MTHFSD: variants seen among roughly 807,000 people sequenced by gnomAD.
The protein encoded by MTHFSD is methenyltetrahydrofolate synthetase domain containing, also known as methenyltetrahydrofolate synthase domain-containing protein.
In MTHFSD, 37 loss-of-function variants were observed where a neutral mutation model predicts 31.1. That is an observed-to-expected ratio of 1.19 (90% confidence interval 0.91 to 1.56). The LOEUF is 1.56. Among genes scored for constraint, MTHFSD ranks in the 40% most tolerant of loss-of-function variants. The probability of loss-of-function intolerance (pLI) is 0.00; values close to 1 mark genes in which losing one functional copy is unlikely to be tolerated. For missense variants in MTHFSD, 664 were observed against 510.1 expected, an observed-to-expected ratio of 1.30 and a Z score of -2.91; for synonymous variants, 221 against 206.9, an observed-to-expected ratio of 1.07 and a Z score of -0.59.
Position 86,542,130 on chromosome 16 carries a change from G to A in MTHFSD, c.526C>T (p.Pro176Ser), listed in dbSNP as rs1396455518. The A allele has an allele frequency of 1.2e-6, 2 of 1,613,700 alleles. No individual in the cohort carries two copies. Among genetic ancestry groups the A allele is most frequent in the East Asian group, 2.2e-5 (1 of 44,874 alleles). ...CAGTCGTGGACGATGGTGACCACCG[G>A]CGTCTCCTTGCTGACGGCGCCCATG... ...VSMGAVSKETPVVTIVHDCQV... is the reference protein window; with the variant it reads ...VSMGAVSKETSVVTIVHDCQV... The change falls in exon 6 of 8, where the codon CCG becomes TCG. Residue 176 changes from proline to serine, a missense_variant. Physicochemically the swap from Pro to Ser is moderately conservative, Grantham distance 74. Transcript: ENST00000360900. This position sits in a 1 kb window ranked among gnomAD's most constrained non-coding sequence, Gnocchi z 4.6.
chr16:86,544,109 G>C (rs1971923082), intron 5 of MTHFSD, among the ~76,000 whole-genome samples: 2 of 152,264 alleles, frequency 1.3e-5, no homozygotes, highest in South Asian at 4.1e-4. Context: ...TATGATGTAG[G>C]AATAACAGAA....
intron 7 of MTHFSD, among the ~76,000 whole-genome samples, chr16:86,537,158 T>A (rs1407152031): frequency 1.3e-5 from 2 of 152,238 alleles, no homozygotes; most frequent in African/African-American, 4.8e-5. Context: ...ATAAAATTAG[T>A]ATATGCTTGT....
In MTHFSD at chr16:86,541,964, C is replaced by A; in HGVS notation, c.555+137G>T. On this transcript the variant is annotated intron_variant, in intron 6 of 7. Transcript: ENST00000360900. ...GGGCTAAGGCTTAGCCGCTGTACCA[C>A]TAGCAAGTCCAGCCCTGGCTGATCC... 2 of 1,361,510 alleles carry A rather than the reference C, an allele frequency of 1.5e-6. 1 individual carries two copies. Among genetic ancestry groups the A allele is most frequent in the South Asian group, 2.6e-5 (2 of 75,534 alleles). 84.3% of individuals were successfully genotyped at this position (1,361,510 alleles called of 1,614,324 possible). A position where few individuals can be genotyped will look rare whatever the true frequency, so the allele number is the denominator to read the frequency against.
Position 86,531,921 on chromosome 16 carries a change from G to T in MTHFSD, c.*90C>A. 1.1e-6 allele frequency: 1 copy of T among 897,770 alleles called. No individual in the cohort carries two copies. The highest frequency in any genetic ancestry group is 1.6e-6 in the Non-Finnish European group (1 of 642,738). The allele number at this position is 897,770 out of a possible 1,614,324, so 55.6% of individuals were successfully genotyped here. A position where few individuals can be genotyped will look rare whatever the true frequency, so the allele number is the denominator to read the frequency against. ...TCAGGCGGTGGCTCCGACACGTCTT[G>T]CCACGCAGGCCTCTCGAGTGCCATC... On this transcript the variant is annotated 3_prime_UTR_variant, in exon 8 of 8. Transcript: ENST00000360900. This position sits in a 1 kb window ranked among gnomAD's most constrained non-coding sequence, Gnocchi z 5.5.
At position 86,542,897 on chromosome 16, in the gene MTHFSD, G is replaced by A. The variant is rs1236528262; in HGVS notation, c.443-684C>T. 6.6e-6 allele frequency among the ~76,000 whole-genome samples: 1 copy of A among 152,178 alleles called. No individual in the cohort carries two copies. Among genetic ancestry groups the A allele is most frequent in the Non-Finnish European group, 1.5e-5 (1 of 68,034 alleles). Reference sequence around the variant, plus strand: ...CATCAAATGCCTTCTGGCCCCCATGGAGAAGCTACAATTCCGCTTATGAGA... The same window carrying A: ...CATCAAATGCCTTCTGGCCCCCATGAAGAAGCTACAATTCCGCTTATGAGA... On this transcript the variant is annotated intron_variant, in intron 5 of 7. Coordinates refer to ENST00000360900, the MANE Select transcript of MTHFSD (RefSeq NM_001159377.2). This position sits in a 1 kb window ranked among gnomAD's most constrained non-coding sequence, Gnocchi z 4.6.
chr16:86,548,493 CT>C lies in MTHFSD; in HGVS notation c.321del (p.Asp108ThrfsTer3), dbSNP rs1972657136. ...GAGGTGGCACATTTTCTCAAGATGTCTTTAGTTGCCCCAGGGGGTGGTGTGA... is the reference window on the plus strand; with the variant it reads ...GAGGTGGCACATTTTCTCAAGATGTCTTAGTTGCCCCAGGGGGTGGTGTGA... ...NKITPPPGATKDILRKCATSQ... is the reference protein window; with the variant it reads ...NKITPPPGATXDILRKCATSQ... On this transcript the variant is annotated frameshift_variant, in exon 4 of 8. Transcript: ENST00000360900. LOFTEE classifies it high-confidence loss of function. The C allele has an allele frequency of 1.2e-6, 2 of 1,613,782 alleles. No homozygotes were observed. Among genetic ancestry groups the C allele is most frequent in the Non-Finnish European group, 1.7e-6 (2 of 1,179,960 alleles).
At chr16:86,549,247 G>A (rs2143807021) in intron 3 of MTHFSD, among the ~76,000 whole-genome samples, 1 of 152,380 alleles carries the variant, frequency 6.6e-6, no homozygotes, top group African/African-American at 2.4e-5. Flanking sequence ...GAGCTTCGAT[G>A]AGCCTTCCAG....
chr16:86,534,525 C>A (rs916281803), intron 7 of MTHFSD, among the ~76,000 whole-genome samples: 1 of 151,940 alleles, frequency 6.6e-6, no homozygotes, highest in Non-Finnish European at 1.5e-5. Context: ...TAAGCCCAAC[C>A]ACCCCAACCT....
chr16:86,547,634 C>G (rs1188750645), intron 4 of MTHFSD: 1 of 852,586 alleles, frequency 1.2e-6, no homozygotes, highest in Admixed American at 6.2e-5. Flanking sequence ...TCTCAGTTTT[C>G]TATCTTTCTT....
rs1417043044 is a variant in MTHFSD at position 86,532,363 on chromosome 16, C to T, written c.800G>A (p.Cys267Tyr). ...AACACTCAGGGGCACTGTCTGCTGG[C>T]AGCCTGGTTCCGGAAGGTGCTGGTG... ...GEHQHLPEPG[C>Y]QQTVPLSVGR... The change falls in exon 8 of 8, where the codon TGC (cysteine) becomes TAC (tyrosine). Residue 267 changes from cysteine to tyrosine, a missense_variant. Transcript: ENST00000360900. 5.1e-6 allele frequency: 8 copies of T among 1,583,220 alleles called. No homozygotes were observed. Among genetic ancestry groups the T allele is most frequent in the East Asian group, 4.7e-5 (2 of 42,950 alleles).
In MTHFSD at chr16:86,532,585, C is replaced by A. The variant is rs1167593351; in HGVS notation, c.682-104G>T. On this transcript the variant is annotated intron_variant, in intron 7 of 7. Coordinates refer to ENST00000360900, the MANE Select transcript of MTHFSD (RefSeq NM_001159377.2). ...CTACTGGCTGTGCTGCACACGTGGA[C>A]TGGATGCCAAGTGGTCTGAGCCCCA... The A allele has an allele frequency of 4.3e-6, 4 of 938,484 alleles. No homozygotes were observed. In the African/African-American group the frequency reaches 6.8e-5, roughly 16 times the overall value. 58.1% of individuals were successfully genotyped at this position (938,484 alleles called of 1,614,324 possible). A position where few individuals can be genotyped will look rare whatever the true frequency, so the allele number is the denominator to read the frequency against.
rs772148426 is a variant in MTHFSD, at chr16:86,532,114, G to A, written c.1049C>T (p.Pro350Leu). 9.6e-5 allele frequency: 148 copies of A among 1,546,682 alleles called. No homozygotes were observed. Among genetic ancestry groups the A allele is most frequent in the Non-Finnish European group, 1.2e-4 (136 of 1,145,812 alleles). The change falls in exon 8 of 8, where the codon CCG becomes CTG. Residue 350 changes from proline to leucine, a missense_variant. Pro to Leu is a moderately conservative substitution (Grantham distance 98). Transcript: ENST00000360900. ...GPRRRAFLHY[P>L]DSAAAQQAVS... Reference sequence around the variant, plus strand: ...GGCCTGCTGGGCTGCGGCAGAGTCCGGGTAATGGAGGAAGGCTCTGCGCCG... The same window carrying A: ...GGCCTGCTGGGCTGCGGCAGAGTCCAGGTAATGGAGGAAGGCTCTGCGCCG...
At chr16:86,535,411 G>C (rs1970554824) in intron 7 of MTHFSD, 2 of 985,424 alleles carry the variant, frequency 2.0e-6, no homozygotes, top group South Asian at 4.7e-5. Context: ...AAAGCCTCCT[G>C]TGTGCCAGCC....
In MTHFSD at chr16:86,548,096, G is replaced by A. The variant is rs760696691; in HGVS notation, c.351+368C>T. 3.1e-6 allele frequency: 4 copies of A among 1,293,286 alleles called. No homozygotes were observed. In the South Asian group the frequency reaches 4.9e-5, roughly 16 times the overall value. The allele number at this position is 1,293,286 out of a possible 1,614,324, so 80.1% of individuals were successfully genotyped here. A position where few individuals can be genotyped will look rare whatever the true frequency, so the allele number is the denominator to read the frequency against. On this transcript the variant is annotated intron_variant, in intron 4 of 7. Transcript: ENST00000360900. The stretch of plus-strand genomic sequence containing the variant: ...TTGGAAATTCTATCCTGTCTCCCCA[G>A]TCGCTCTGGTGGCACCTGATGAACA...
intron 5 of MTHFSD, among the ~76,000 whole-genome samples, chr16:86,544,126 T>C (rs947696094): frequency 1.3e-5 from 2 of 152,212 alleles, no homozygotes; most frequent in Non-Finnish European, 1.5e-5. Context: ...AGAACTAAAG[T>C]ACACAATAAA....
At position 86,531,843 on chromosome 16, in the gene MTHFSD, G is replaced by A; in HGVS notation, c.*168C>T. On this transcript the variant is annotated 3_prime_UTR_variant, in exon 8 of 8. Transcript: ENST00000360900. This position sits in a 1 kb window ranked among gnomAD's most constrained non-coding sequence, Gnocchi z 5.5. ...GGGCGGCTTCCCCACTCACAGGAGG[G>A]CCTGGGCGTTCACTGAGCGGTGACT... The A allele has an allele frequency of 2.2e-6, 1 of 454,296 alleles. No homozygotes were observed. The highest frequency in any genetic ancestry group is 3.8e-6 in the Non-Finnish European group (1 of 261,384). The allele number at this position is 454,296 out of a possible 1,614,324, so 28.1% of individuals were successfully genotyped here.
chr16:86,546,385 A>G (rs1448448417), intron 5 of MTHFSD, among the ~76,000 whole-genome samples, 174 bp downstream of exon 5: 1 of 152,190 alleles, frequency 6.6e-6, no homozygotes, highest in African/African-American at 2.4e-5. Context: ...TGGGGCCAGA[A>G]GCGGGTGGGC....
At chr16:86,550,032 A>C (rs1972912560) in intron 3 of MTHFSD, among the ~76,000 whole-genome samples, 1 of 152,200 alleles carries the variant, frequency 6.6e-6, no homozygotes, top group African/African-American at 2.4e-5. Context: ...CTGTGGCTTG[A>C]GGTTGTGCGT....
chr16:86,549,923 G>T (rs951134404), intron 3 of MTHFSD, among the ~76,000 whole-genome samples: 1 of 152,234 alleles, frequency 6.6e-6, no homozygotes, highest in Admixed American at 6.5e-5. Flanking sequence ...GGACTGTCCG[G>T]TCAGACACTG....
Sources: gnomAD v4.1 joint callset for allele counts (sites outside exome capture counted in the v4.1 genomes callset) on GRCh38, gnomAD v4.1.1 for gene constraint, Gnocchi (gnomAD v3.1) non-coding constraint, MANE v1.5 for transcripts, NCBI Gene and HGNC (gene_info 2026-07-23, HGNC 2026-07-21) for gene names.